Variants in TET2 observed in about 807,000 individuals in gnomAD.
The protein encoded by TET2 is methylcytosine dioxygenase TET2.
A neutral mutation model predicts 142.9 loss-of-function variants in TET2; 299 were observed. That is an observed-to-expected ratio of 2.09 (90% confidence interval 1.90 to 2.30). The LOEUF (loss-of-function observed/expected upper bound fraction) is 2.30. TET2 is among the 30% of genes most tolerant of loss of function. The pLI is 0.00. For missense variants in TET2, 2,418 were observed against 2,378.0 expected, an observed-to-expected ratio of 1.02 and a Z score of -0.35; for synonymous variants, 819 against 849.0, an observed-to-expected ratio of 0.96 and a Z score of 0.61.
intron 1 of TET2, among the ~76,000 whole-genome samples, chr4:105,162,386 G>C (rs1723899926): frequency 6.6e-6 from 1 of 152,148 alleles, no homozygotes; most frequent in Admixed American, 6.5e-5. Flanking sequence ...CATGAATACT[G>C]ATACAGAATA....
At chr4:105,190,528 C>T (rs1444194342) in intron 2 of TET2, 23 bp downstream of exon 2, 2 of 696,838 alleles carry the variant, frequency 2.9e-6, no homozygotes, top group East Asian at 2.7e-5. Flanking sequence ...AGACAGTTGA[C>T]ACTTGTTTGT....
chr4:105,231,868 C>G (rs1398559177), intron 2 of TET2, among the ~76,000 whole-genome samples: 3 of 152,136 alleles, frequency 2.0e-5, no homozygotes, highest in African/African-American at 4.8e-5. Flanking sequence ...TTCGTTAGTA[C>G]TACTCTCAAA....
chr4:105,269,535 T>A, intron 8 of TET2, 75 bp from the exon 9 acceptor site: 2 of 1,474,896 alleles, frequency 1.4e-6, no homozygotes, highest in Non-Finnish European at 1.8e-6. Context: ...TTCTAAATGG[T>A]CTAAATACTA....
rs1553913824 is a variant in TET2 at position 105,235,433 on chromosome 4, T to TG, written c.1492dup (p.Val498GlyfsTer6). 6.2e-7 allele frequency: 1 copy of TG among 1,614,086 alleles called. No individual in the cohort carries two copies. The highest frequency in any genetic ancestry group is 8.5e-7 in the Non-Finnish European group (1 of 1,180,024). ...ACATACAGACTGCAGGGACAATGAC[T>TG]GTTCCATTGTGTTCTGAGAAAACAA... On this transcript the variant is annotated frameshift_variant, in exon 3 of 11. Transcript: ENST00000380013. LOFTEE classifies it high-confidence loss of function.
intron 1 of TET2, among the ~76,000 whole-genome samples, chr4:105,186,531 A>C (rs1725464258): frequency 7.3e-6 from 1 of 136,310 alleles, no homozygotes; most frequent in Admixed American, 8.2e-5. Flanking sequence ...GCTGGAGTGC[A>C]GTGGTGCGAT....
Position 105,237,668 on chromosome 4 carries a change from T to C in TET2, c.3409+317T>C, listed in dbSNP as rs971776912. 4 of 1,350,756 alleles carry C rather than the reference T, an allele frequency of 3.0e-6. No individual in the cohort carries two copies. The African/African-American group carries it at 4.5e-5, about 15-fold the overall frequency. 83.7% of individuals were successfully genotyped at this position (1,350,756 alleles called of 1,614,324 possible). ...CCTATTTAGCTCTTTGTATATTATC[T>C]CCTGGAGAGACAGCTAGGCAGCAAA... On this transcript the variant is annotated intron_variant, in intron 3 of 10. Transcript: ENST00000380013.
rs1278098712 is a variant in TET2, at chr4:105,242,893, G to A, written c.3560G>A (p.Gly1187Asp). ...AGAGTCATCTATACTGGTAAAGAAG[G>A]CAAAAGTTCTCAGGGATGTCCTATT... ...IERVIYTGKEGKSSQGCPIAK... is the reference protein window; with the variant it reads ...IERVIYTGKEDKSSQGCPIAK... Residue 1187 changes from glycine (G) to aspartate (D), a missense_variant, in exon 5 of 11, where the codon GGC becomes GAC. By Grantham distance (94) the Gly-to-Asp change is moderately conservative. Transcript: ENST00000380013. 1.3e-6 allele frequency: 2 copies of A among 1,551,492 alleles called. No homozygotes were observed. Among genetic ancestry groups the A allele is most frequent in the Admixed American group, 2.0e-5 (1 of 50,992 alleles).
intron 10 of TET2, among the ~76,000 whole-genome samples, chr4:105,274,081 C>G (rs969215084): frequency 6.6e-6 from 1 of 152,168 alleles, no homozygotes; most frequent in African/African-American, 2.4e-5. Context: ...GCTAAAGATG[C>G]TTGATAAGTG....
At chr4:105,223,127 A>T (rs1727950499) in intron 2 of TET2, among the ~76,000 whole-genome samples, 2 of 152,148 alleles carry the variant, frequency 1.3e-5, no homozygotes, top group African/African-American at 4.8e-5. Flanking sequence ...CTTTTTCAAG[A>T]GATGTGAAGT....
At chr4:105,250,040 C>T (rs1189664835) in intron 6 of TET2, among the ~76,000 whole-genome samples, 1 of 152,170 alleles carries the variant, frequency 6.6e-6, no homozygotes, top group Admixed American at 6.5e-5. Flanking sequence ...TTAGTTCTTA[C>T]ATTTAGATTT....
chr4:105,158,704 A>C (rs1294800585), intron 1 of TET2, among the ~76,000 whole-genome samples: 2 of 152,226 alleles, frequency 1.3e-5, no homozygotes, highest in Non-Finnish European at 2.9e-5. Context: ...TTCAGAATGC[A>C]TTGCTGAAAT....
intron 1 of TET2, among the ~76,000 whole-genome samples, chr4:105,150,184 T>G (rs1299775328): frequency 2.0e-5 from 3 of 152,194 alleles, no homozygotes; most frequent in Non-Finnish European, 4.4e-5. Context: ...TTCTTATGAA[T>G]TCTTATGAAA....
rs1731325580 is a variant in TET2 at position 105,278,565 on chromosome 4, A to G, written c.*2046A>G. 2.2e-5 allele frequency: 5 copies of G among 231,666 alleles called. No individual in the cohort carries two copies. The South Asian group carries it at 7.2e-4, about 34-fold the overall frequency. 14.4% of individuals were successfully genotyped at this position (231,666 alleles called of 1,614,324 possible). A position where few individuals can be genotyped will look rare whatever the true frequency, so the allele number is the denominator to read the frequency against. On this transcript the variant is annotated 3_prime_UTR_variant, in exon 11 of 11. Coordinates refer to ENST00000380013, the MANE Select transcript of TET2 (RefSeq NM_001127208.3). ...GTAAAATTGTTGTAGGTTAATAAAT[A>G]TATTCTTTGTCAGGGATTTAACCCT...
chr4:105,243,924 G>A, intron 6 of TET2, 146 bp downstream of exon 6: 1 of 693,312 alleles, frequency 1.4e-6, no homozygotes. Context: ...GCGATAAGAA[G>A]TTGTATTTGC....
At chr4:105,185,914 G>A (rs1193365396) in intron 1 of TET2, among the ~76,000 whole-genome samples, 2 of 152,106 alleles carry the variant, frequency 1.3e-5, no homozygotes, top group African/African-American at 2.4e-5. Flanking sequence ...TGATGGTGAA[G>A]TGTATTTTAT....
chr4:105,276,475 T>C lies in TET2; in HGVS notation c.5965T>C (p.Tyr1989His). Reference sequence around the variant, plus strand: ...AGACTCCACAGTAACTACATCTCCATATGCCTTCACTCGGGTCACAGGGCC... The same window carrying C: ...AGACTCCACAGTAACTACATCTCCACATGCCTTCACTCGGGTCACAGGGCC... ...TTDSTVTTSP[Y>H]AFTRVTGPYN... Residue 1989 changes from tyrosine (Y) to histidine (H), a missense_variant, in exon 11 of 11, where the codon TAT becomes CAT. Tyr to His is a moderately conservative substitution (Grantham distance 83). Transcript: ENST00000380013. 6.4e-7 allele frequency: 1 copy of C among 1,551,698 alleles called. No homozygotes were observed. The highest frequency in any genetic ancestry group is 1.2e-5 in the South Asian group (1 of 84,060).
chr4:105,241,617 C>A, intron 4 of TET2, 188 bp downstream of exon 4: 1 of 1,319,882 alleles, frequency 7.6e-7, no homozygotes, highest in Non-Finnish European at 9.7e-7. Flanking sequence ...TTTGACAGGA[C>A]TAATAGTCTG....
In TET2 at chr4:105,243,709, A is replaced by G. The variant is rs2110255532; in HGVS notation, c.3734A>G (p.Tyr1245Cys). The change falls in exon 6 of 11, where the codon TAC (tyrosine) becomes TGC (cysteine). Residue 1245 changes from tyrosine (Y) to cysteine (C), a missense_variant. Tyr to Cys is a radical substitution (Grantham distance 194). Coordinates refer to ENST00000380013, the MANE Select transcript of TET2 (RefSeq NM_001127208.3). ...CCGCTGTCTCTGGCTGACAAACTCT[A>G]CTCGGAGCTTACCGAGACGCTGAGG... Reference protein sequence around the residue: ...GIPLSLADKLYSELTETLRKY... With the variant: ...GIPLSLADKLCSELTETLRKY... 4 of 1,551,378 alleles carry G rather than the reference A, an allele frequency of 2.6e-6. No individual in the cohort carries two copies. The highest frequency in any genetic ancestry group is 3.5e-6 in the Non-Finnish European group (4 of 1,146,910).
intron 2 of TET2, among the ~76,000 whole-genome samples, chr4:105,225,916 G>A (rs921851361): frequency 2.6e-5 from 4 of 152,154 alleles, no homozygotes; most frequent in African/African-American, 9.7e-5. Context: ...GAAGGGATCA[G>A]AATAACTCTG....
Sources: gnomAD v4.1 joint callset for allele counts (sites outside exome capture counted in the v4.1 genomes callset) on GRCh38, gnomAD v4.1.1 for gene constraint, MANE v1.5 for transcripts, NCBI Gene and HGNC (gene_info 2026-07-23, HGNC 2026-07-21) for gene names.